SKP1: variants seen among roughly 807,000 people sequenced by gnomAD.
The protein encoded by SKP1 is S-phase kinase-associated protein 1.
In SKP1, 1 loss-of-function variant was observed where a neutral mutation model predicts 21.5. The observed-to-expected ratio is 0.05, with a 90% CI of 0.02 to 0.22. The LOEUF is 0.22. Ranked by LOEUF, SKP1 falls within the 10% of genes least tolerant of loss-of-function variation. SKP1 has a pLI of 1.00. For synonymous variants in SKP1, 59 were observed against 59.3 expected (o/e 0.99, Z 0.03); for missense variants, 70 against 192.0 (o/e 0.36, Z 3.76).
intron 2 of SKP1, chr5:134,173,559 G>A (rs912756175): frequency 9.3e-5 from 34 of 366,556 alleles, no homozygotes; most frequent in African/African-American, 6.8e-4. Context: ...GAAATAAGGT[G>A]TTCTATTCAG....
rs1182942241 is a variant in SKP1, at chr5:134,152,842, G to C, written c.*4891C>G. 1 of 152,318 alleles carries C rather than the reference G, an allele frequency of 6.6e-6. No homozygotes were observed. Among genetic ancestry groups the C allele is most frequent in the Non-Finnish European group, 1.5e-5 (1 of 68,198 alleles). The allele number at this position is 152,318 out of a possible 1,614,324, so 9.4% of individuals were successfully genotyped here. On this transcript the variant is annotated 3_prime_UTR_variant, in exon 6 of 6. Coordinates refer to ENST00000353411, the MANE Select transcript of SKP1 (RefSeq NM_170679.3). The stretch of plus-strand genomic sequence containing the variant: ...GGCGTGAGCCACCGTGCCCAGCCCA[G>C]GAACATTTTTATTAGAGTTATCCAC...
At chr5:134,165,574 A>T (rs1761313404) in intron 3 of SKP1, among the ~76,000 whole-genome samples, 3 of 120,222 alleles carry the variant, frequency 2.5e-5, no homozygotes, top group African/African-American at 3.4e-5. Context: ...TGGGCGACAG[A>T]GTGTCTGTCT....
At chr5:134,167,104 T>A (rs1761346891) in intron 3 of SKP1, 66 bp downstream of exon 3, 3 of 767,804 alleles carry the variant, frequency 3.9e-6, no homozygotes, top group Non-Finnish European at 6.7e-6. Flanking sequence ...ATTGTTGAAT[T>A]ACTTGTATTA....
intron 4 of SKP1, 168 bp from the exon 5 acceptor site, chr5:134,158,763 A>T: frequency 1.6e-6 from 1 of 641,718 alleles, no homozygotes; most frequent in Non-Finnish European, 2.7e-6. Flanking sequence ...CTTTTATGTG[A>T]CCTTCTTTGT....
At chr5:134,170,038 G>A (rs958035725) in intron 2 of SKP1, among the ~76,000 whole-genome samples, 23 of 150,910 alleles carry the variant, frequency 1.5e-4, no homozygotes, top group African/African-American at 4.9e-4. Context: ...GTGTGGTGGC[G>A]CATGCCTGTA....
At chr5:134,158,012 A>G (rs1339455809) in intron 5 of SKP1, 3 of 1,495,006 alleles carry the variant, frequency 2.0e-6, no homozygotes, top group African/African-American at 1.4e-5. Context: ...AAGTTGACAG[A>G]GCAAATTCAG....
chr5:134,172,784 G>A (rs373038725), intron 2 of SKP1, among the ~76,000 whole-genome samples: 30 of 152,000 alleles, frequency 2.0e-4, no homozygotes, highest in Non-Finnish European at 3.2e-4. Flanking sequence ...AGCCTCAGGC[G>A]GGTGGATCGC....
rs1377594993 is a variant in SKP1 at position 134,155,427 on chromosome 5, T to G, written c.*2306A>C. Reference sequence around the variant, plus strand: ...GCTTCTTAATACCATGTCTATGATTTATTTGGGTCCACAATGGTGAAAAAT... The same window carrying G: ...GCTTCTTAATACCATGTCTATGATTGATTTGGGTCCACAATGGTGAAAAAT... On this transcript the variant is annotated 3_prime_UTR_variant, in exon 6 of 6. Transcript: ENST00000353411. 2 of 152,234 alleles carry G rather than the reference T, an allele frequency of 1.3e-5. No individual in the cohort carries two copies. Among genetic ancestry groups the G allele is most frequent in the Admixed American group, 1.3e-4 (2 of 15,288 alleles). 9.4% of individuals were successfully genotyped at this position (152,234 alleles called of 1,614,324 possible).
At chr5:134,159,009 T>A (rs1344397511) in intron 4 of SKP1, among the ~76,000 whole-genome samples, 1 of 152,256 alleles carries the variant, frequency 6.6e-6, no homozygotes, top group Non-Finnish European at 1.5e-5. Context: ...TGTTTACCTG[T>A]TTTCTATTTC....
Position 134,161,050 on chromosome 5 carries a change from A to C in SKP1, c.252T>G (p.Asp84Glu), listed in dbSNP as rs1470693044. 6.2e-7 allele frequency: 1 copy of C among 1,612,788 alleles called. No homozygotes were observed. Among genetic ancestry groups the C allele is most frequent in the Non-Finnish European group, 8.5e-7 (1 of 1,179,072 alleles). The change falls in exon 4 of 6, where the codon GAT (aspartate) becomes GAG (glutamate). Residue 84 changes from aspartate to glutamate, a missense_variant. By Grantham distance (45) the Asp-to-Glu change is conservative (BLOSUM62 2). Coordinates refer to ENST00000353411, the MANE Select transcript of SKP1 (RefSeq NM_170679.3). ...GGAATTCTTGGTCCCAAACAGGGATATCATCTGTTCGCTTTTCTTTGTTCT... is the reference window on the plus strand; with the variant it reads ...GGAATTCTTGGTCCCAAACAGGGATCTCATCTGTTCGCTTTTCTTTGTTCT... The part of the protein sequence containing the change: ...DDENKEKRTD[D>E]IPVWDQEFLK...
Position 134,157,518 on chromosome 5 carries a change from A to G in SKP1, c.*215T>C. On this transcript the variant is annotated 3_prime_UTR_variant, in exon 6 of 6. Transcript: ENST00000353411. ...CAGTTCAGTTTTATTCAGAGCAAAG[A>G]AAAAAGAAACTTTCCATCATACTAG... The G allele has an allele frequency of 1.9e-6, 1 of 531,530 alleles. No homozygotes were observed. The highest frequency in any genetic ancestry group is 3.1e-5 in the East Asian group (1 of 31,882). The allele number at this position is 531,530 out of a possible 1,614,324, so 32.9% of individuals were successfully genotyped here.
In SKP1 at chr5:134,153,947, TCTTG is replaced by T. The variant is rs1453168816; in HGVS notation, c.*3782_*3785del. 6.6e-6 allele frequency: 1 copy of T among 152,176 alleles called. No homozygotes were observed. Among genetic ancestry groups the T allele is most frequent in the Non-Finnish European group, 1.5e-5 (1 of 68,030 alleles). 9.4% of individuals were successfully genotyped at this position (152,176 alleles called of 1,614,324 possible). The stretch of plus-strand genomic sequence containing the variant: ...CTGTCCAACCAAGTCACAATATAGT[TCTTG>T]CTTAATTCCAGGAGCTGGTGTATTC... On this transcript the variant is annotated 3_prime_UTR_variant, in exon 6 of 6. Coordinates refer to ENST00000353411, the MANE Select transcript of SKP1 (RefSeq NM_170679.3).
At chr5:134,164,728 A>T (rs902408965) in intron 3 of SKP1, among the ~76,000 whole-genome samples, 3 of 150,982 alleles carry the variant, frequency 2.0e-5, no homozygotes, top group Non-Finnish European at 2.9e-5. Flanking sequence ...CTAAATCGTA[A>T]CATGAATTAA....
intron 2 of SKP1, among the ~76,000 whole-genome samples, chr5:134,173,150 T>C (rs1267180463): frequency 1.3e-5 from 2 of 150,890 alleles, no homozygotes; most frequent in South Asian, 2.1e-4. Context: ...CTGACCAACA[T>C]GGAGAAACCC....
chr5:134,169,710 C>T (rs1375605423), intron 2 of SKP1, among the ~76,000 whole-genome samples: 1 of 151,614 alleles, frequency 6.6e-6, no homozygotes, highest in Admixed American at 6.6e-5. Flanking sequence ...ACTAAAAATA[C>T]AAAAAAATTG....
intron 5 of SKP1, 185 bp from the exon 6 acceptor site, chr5:134,157,953 C>T (rs1431474598): frequency 6.6e-7 from 1 of 1,525,176 alleles, no homozygotes; most frequent in Admixed American, 2.0e-5. Context: ...GGTTTTTATT[C>T]TGCCCTGCTG....
At position 134,149,042 on chromosome 5, in the gene SKP1, C is replaced by T. The variant is rs540049743; in HGVS notation, c.*8691G>A. On this transcript the variant is annotated 3_prime_UTR_variant, in exon 6 of 6. Transcript: ENST00000353411. Reference sequence around the variant, plus strand: ...TGTGTTACATGAATATATTGTGTAGCGGTGAGGTCCGGGCTATTTTTAGAT... The same window carrying T: ...TGTGTTACATGAATATATTGTGTAGTGGTGAGGTCCGGGCTATTTTTAGAT... 5 of 152,270 alleles carry T rather than the reference C, an allele frequency of 3.3e-5. No individual in the cohort carries two copies. The highest frequency in any genetic ancestry group is 1.3e-4 in the Admixed American group (2 of 15,300). 9.4% of individuals were successfully genotyped at this position (152,270 alleles called of 1,614,324 possible).
In SKP1 at chr5:134,151,529, T is replaced by C. The variant is rs1194852924; in HGVS notation, c.*6204A>G. On this transcript the variant is annotated 3_prime_UTR_variant, in exon 6 of 6. Transcript: ENST00000353411. ...ATTTTCACCAGATAGGTGGGAGGTA[T>C]TCAAAGTGAGAGCACTTTAAGGAAA... The C allele has an allele frequency of 8.9e-6, 3 of 335,906 alleles. No homozygotes were observed. The highest frequency in any genetic ancestry group is 1.8e-5 in the Non-Finnish European group (3 of 163,326). The allele number at this position is 335,906 out of a possible 1,614,324, so 20.8% of individuals were successfully genotyped here.
At chr5:134,176,324 A>T (rs1430729866) in intron 1 of SKP1, among the ~76,000 whole-genome samples, 5 of 152,248 alleles carry the variant, frequency 3.3e-5, no homozygotes, top group East Asian at 1.9e-4. Context: ...GTAGCTAGTG[A>T]CGCCAGACAC....
Sources: allele counts gnomAD v4.1 joint callset (sites outside exome capture counted in the v4.1 genomes callset), GRCh38; gene constraint gnomAD v4.1.1; transcripts MANE v1.5; gene names NCBI Gene and HGNC (gene_info 2026-07-23, HGNC 2026-07-21).